The following PTCHD4 variants were observed in gnomAD, a reference collection of about 807,000 sequenced individuals.
The protein encoded by PTCHD4 is patched domain-containing protein 4.
A neutral mutation model predicts 58.1 loss-of-function variants in PTCHD4; 33 were observed. That is an observed-to-expected ratio of 0.57 (90% CI 0.43 to 0.76). PTCHD4 has a LOEUF of 0.76. PTCHD4 is among the 30% of genes least tolerant of loss of function. PTCHD4 has a pLI of 0.00. For synonymous variants in PTCHD4, 478 were observed against 409.6 expected (o/e 1.17, Z -2.02); for missense variants, 1,058 against 1,027.1 (o/e 1.03, Z -0.41).
intron 4 of PTCHD4, among the ~76,000 whole-genome samples, chr6:47,886,481 G>C (rs572946742): frequency 4.0e-5 from 6 of 151,064 alleles, no homozygotes; most frequent in African/African-American, 1.2e-4. Context: ...AAGAAATAGA[G>C]GTTAAAAAAA....
chr6:47,992,107 T>A (rs1024657681), intron 4 of PTCHD4, among the ~76,000 whole-genome samples: 1 of 151,974 alleles, frequency 6.6e-6, no homozygotes, highest in Non-Finnish European at 1.5e-5. Context: ...AGAAAACAGG[T>A]TAGTACAAAA....
chr6:48,075,409 G>A (rs1024309835), intron 1 of PTCHD4, among the ~76,000 whole-genome samples: 1 of 151,228 alleles, frequency 6.6e-6, no homozygotes, highest in African/African-American at 2.4e-5. Flanking sequence ...TAAAGTTCTG[G>A]AGAAGATTTC....
At position 48,068,878 on chromosome 6, in the gene PTCHD4, G is replaced by GGGC. The variant is rs1442009285; in HGVS notation, c.5+72_5+74dup. Among the ~76,000 whole-genome samples the GGGC allele has an allele frequency of 1.3e-5, 2 of 151,546 alleles. No individual in the cohort carries two copies. The highest frequency in any genetic ancestry group is 4.8e-5 in the African/African-American group (2 of 41,258). ...AAATACCGACAGCGCGCGTGGGGGC[G>GGGC]GGCGGCGGGCGCCGCGGGGCCCACC... On this transcript the variant is annotated intron_variant, in intron 2 of 4. Coordinates refer to ENST00000339488, the MANE Select transcript of PTCHD4 (RefSeq NM_001384253.1). This position sits in a 1 kb window ranked among gnomAD's most constrained non-coding sequence, Gnocchi z 4.2.
chr6:47,922,516 C>A (rs137884922), intron 4 of PTCHD4, among the ~76,000 whole-genome samples: 2 of 152,184 alleles, frequency 1.3e-5, no homozygotes, highest in East Asian at 3.9e-4. Flanking sequence ...CATCAGTTCA[C>A]AACTTGGCGA....
intron 4 of PTCHD4, among the ~76,000 whole-genome samples, chr6:47,920,181 G>C (rs1765386757): frequency 6.6e-6 from 1 of 152,134 alleles, no homozygotes; most frequent in African/African-American, 2.4e-5. Context: ...AATGATAGTG[G>C]CTTGGACCAA....
At chr6:47,956,650 G>T (rs1037742667) in intron 4 of PTCHD4, among the ~76,000 whole-genome samples, 1 of 151,998 alleles carries the variant, frequency 6.6e-6, no homozygotes, top group South Asian at 2.1e-4. Context: ...AGTCAAGATG[G>T]TATTGATCTC....
chr6:47,996,194 G>A (rs545709182), intron 4 of PTCHD4, among the ~76,000 whole-genome samples: 66 of 152,124 alleles, frequency 4.3e-4, no homozygotes, highest in Non-Finnish European at 8.1e-4. Context: ...GTGGCTGGGC[G>A]CGGTGGCTCA....
rs1341419161 is a variant in PTCHD4, at chr6:47,914,672, T to C, written c.899-34736A>G. Among the ~76,000 whole-genome samples, 3 of 145,564 alleles carry C rather than the reference T, an allele frequency of 2.1e-5. No individual in the cohort carries two copies. In the East Asian group the frequency reaches 6.2e-4, roughly 30 times the overall value. On this transcript the variant is annotated intron_variant, in intron 4 of 4. Transcript: ENST00000339488. ...AATATATAAAAAGATTTTTATATAA[T>C]AGAACCTATCTATCTATCTATCTGT...
chr6:47,919,448 A>T (rs1276770509), intron 4 of PTCHD4, among the ~76,000 whole-genome samples: 1 of 152,234 alleles, frequency 6.6e-6, no homozygotes, highest in Non-Finnish European at 1.5e-5. Flanking sequence ...ACTTTCAATC[A>T]GTTGATTATG....
At chr6:48,035,413 C>A (rs138238854) in intron 3 of PTCHD4, among the ~76,000 whole-genome samples, 1 of 152,006 alleles carries the variant, frequency 6.6e-6, no homozygotes, top group Admixed American at 6.6e-5. Flanking sequence ...GGTAGAACTG[C>A]CAGTTCTCTG....
Position 47,876,204 on chromosome 6 carries a change from C to T in PTCHD4, c.*2099G>A, listed in dbSNP as rs575865927. On this transcript the variant is annotated 3_prime_UTR_variant, in exon 5 of 5. Coordinates refer to ENST00000339488, the MANE Select transcript of PTCHD4 (RefSeq NM_001384253.1). ...ACCAGTTCATTCTAGTACAGCAGTT[C>T]ATGAGGCAAAAGGCTAGGAGTATTT... Among the ~76,000 whole-genome samples the T allele has an allele frequency of 1.3e-5, 2 of 151,872 alleles. No individual in the cohort carries two copies. The highest frequency in any genetic ancestry group is 2.4e-5 in the African/African-American group (1 of 41,474).
chr6:48,108,802 A>T (rs1313806248), intron 1 of PTCHD4, among the ~76,000 whole-genome samples: 1 of 151,916 alleles, frequency 6.6e-6, no homozygotes, highest in African/African-American at 2.4e-5. Context: ...TCTAGGCTTC[A>T]TAATACAGAG....
At chr6:48,094,598 A>T (rs968156183) in intron 1 of PTCHD4, among the ~76,000 whole-genome samples, 4 of 152,212 alleles carry the variant, frequency 2.6e-5, no homozygotes, top group Non-Finnish European at 5.9e-5. Context: ...TAAATACTTG[A>T]GGATAGCTTT....
chr6:48,053,031 T>C (rs1764287762), intron 3 of PTCHD4, among the ~76,000 whole-genome samples: 1 of 152,140 alleles, frequency 6.6e-6, no homozygotes, highest in African/African-American at 2.4e-5. Flanking sequence ...TTAATGAACA[T>C]GCTTTTCCTC....
chr6:47,962,142 A>G (rs1767123436), intron 4 of PTCHD4, among the ~76,000 whole-genome samples: 1 of 152,212 alleles, frequency 6.6e-6, no homozygotes, highest in Non-Finnish European at 1.5e-5. Flanking sequence ...CTTCATGTCA[A>G]TAAATCAGAC....
chr6:48,066,704 CT>C (rs1206108257), intron 3 of PTCHD4, among the ~76,000 whole-genome samples: 1 of 152,066 alleles, frequency 6.6e-6, no homozygotes, highest in African/African-American at 2.4e-5. Context: ...GATAAATCAT[CT>C]GTTTCGTTTC....
At chr6:47,999,933 G>A (rs966498949) in intron 4 of PTCHD4, among the ~76,000 whole-genome samples, 6 of 152,174 alleles carry the variant, frequency 3.9e-5, no homozygotes, top group African/African-American at 9.7e-5. Context: ...AAAGAGACAA[G>A]TGATGCTCAT....
Position 47,984,601 on chromosome 6 carries a change from G to T in PTCHD4, c.898+24033C>A, listed in dbSNP as rs193141594. Among the ~76,000 whole-genome samples the T allele has an allele frequency of 3.4e-3, 512 of 152,184 alleles. 2 individuals are homozygous for T. The highest frequency in any genetic ancestry group is 4.4e-3 in the Non-Finnish European group (298 of 67,996). ...ATTTATTGGTGATTGCATTAAAAAT[G>T]ATTCTTTTAAATAAGAAAGCCTCTA... is the stretch of plus-strand genomic sequence containing the variant. On this transcript the variant is annotated intron_variant, in intron 4 of 4. Coordinates refer to ENST00000339488, the MANE Select transcript of PTCHD4 (RefSeq NM_001384253.1).
intron 4 of PTCHD4, among the ~76,000 whole-genome samples, chr6:47,982,835 T>C (rs763360879): frequency 2.8e-4 from 42 of 152,246 alleles, no homozygotes; most frequent in South Asian, 2.7e-3. Context: ...ACCTAGCAGA[T>C]AATAGGTGCT....
Sources: gnomAD v4.1 joint callset for allele counts (sites outside exome capture counted in the v4.1 genomes callset) on GRCh38, gnomAD v4.1.1 for gene constraint, Gnocchi (gnomAD v3.1) non-coding constraint, MANE v1.5 for transcripts, NCBI Gene and HGNC (gene_info 2026-07-23, HGNC 2026-07-21) for gene names.